The following PLA2G4A variants were observed in gnomAD, a reference collection of about 807,000 sequenced individuals.
PLA2G4A encodes cytosolic phospholipase A2.
A neutral mutation model predicts 81.9 loss-of-function variants in PLA2G4A; 40 were observed. That is an observed-to-expected ratio of 0.49 (90% CI 0.38 to 0.64). PLA2G4A has a LOEUF of 0.64. Ranked by LOEUF, PLA2G4A falls within the 30% of genes least tolerant of loss-of-function variation. The probability of loss-of-function intolerance (pLI) is 0.00; values close to 1 mark genes in which losing one functional copy is unlikely to be tolerated. For missense variants in PLA2G4A, 715 were observed against 905.1 expected (o/e 0.79, Z 2.69); for synonymous variants, 302 against 296.9 (o/e 1.02, Z -0.18).
chr1:186,988,638 T>C lies in PLA2G4A; in HGVS notation c.*130T>C. On this transcript the variant is annotated 3_prime_UTR_variant, in exon 18 of 18. Coordinates refer to ENST00000367466, the MANE Select transcript of PLA2G4A (RefSeq NM_024420.3). ...GACTGGCTGATACTCAAAGTTGCAGTTACTTAGCTGCATGAGAATAATACT... is the reference window on the plus strand; with the variant it reads ...GACTGGCTGATACTCAAAGTTGCAGCTACTTAGCTGCATGAGAATAATACT... 7.7e-6 allele frequency: 6 copies of C among 781,106 alleles called. No individual in the cohort carries two copies. Among genetic ancestry groups the C allele is most frequent in the Non-Finnish European group, 1.3e-5 (6 of 444,484 alleles). The allele number at this position is 781,106 out of a possible 1,614,324, so 48.4% of individuals were successfully genotyped here.
intron 4 of PLA2G4A, 76 bp downstream of exon 4, chr1:186,893,235 G>C: frequency 8.0e-7 from 1 of 1,254,032 alleles, no homozygotes; most frequent in South Asian, 1.2e-5. Flanking sequence ...TCCTTTTACT[G>C]CCTTTTTGTT....
At position 186,870,497 on chromosome 1, in the gene PLA2G4A, G is replaced by A. The variant is rs1296371653; in HGVS notation, c.96G>A (p.Lys32=). 5 of 1,609,970 alleles carry A rather than the reference G, an allele frequency of 3.1e-6. No individual in the cohort carries two copies. Among genetic ancestry groups the A allele is most frequent in the Non-Finnish European group, 4.3e-6 (5 of 1,176,450 alleles). The stretch of plus-strand genomic sequence containing the variant: ...TGTTACGTGCCACCAAAGTGACAAA[G>A]GGGGCCTTTGGTGACATGCGTAAGT... ...VVVLRATKVT[K]GAFGDMLDTP... Residue 32 remains lysine, a synonymous_variant, in exon 3 of 18, where the codon AAG becomes AAA. Transcript: ENST00000367466.
chr1:186,856,497 C>T (rs1162223515), intron 2 of PLA2G4A, among the ~76,000 whole-genome samples: 2 of 150,968 alleles, frequency 1.3e-5, no homozygotes, highest in African/African-American at 4.9e-5. Context: ...TCAAGCAATT[C>T]GCGTGACTTA....
intron 3 of PLA2G4A, among the ~76,000 whole-genome samples, chr1:186,891,103 C>A (rs1036970734): frequency 6.6e-6 from 1 of 151,438 alleles, no homozygotes; most frequent in African/African-American, 2.4e-5. Context: ...CAAATATAAT[C>A]TTTTTTTTAA....
chr1:186,959,685 A>G (rs1471020724), intron 14 of PLA2G4A, among the ~76,000 whole-genome samples: 1 of 152,144 alleles, frequency 6.6e-6, no homozygotes, highest in Non-Finnish European at 1.5e-5. Flanking sequence ...ACAAAGATAG[A>G]TCTGATTTAC....
intron 1 of PLA2G4A, among the ~76,000 whole-genome samples, chr1:186,853,235 G>A (rs1318807805): frequency 6.6e-6 from 1 of 151,526 alleles, no homozygotes; most frequent in African/African-American, 2.4e-5. Flanking sequence ...AAAAACTCAA[G>A]AGCGTATTAG....
At chr1:186,983,270 G>A (rs562721098) in intron 17 of PLA2G4A, among the ~76,000 whole-genome samples, 2 of 152,298 alleles carry the variant, frequency 1.3e-5, no homozygotes, top group African/African-American at 4.8e-5. Flanking sequence ...GTTTACTGCT[G>A]TAGACCATCA....
At chr1:186,843,356 T>A (rs1652055324) in intron 1 of PLA2G4A, among the ~76,000 whole-genome samples, 1 of 152,232 alleles carries the variant, frequency 6.6e-6, no homozygotes, top group South Asian at 2.1e-4. Flanking sequence ...TTCCTTTTGA[T>A]TGTTTCTTAA....
chr1:186,893,207 G>C, intron 4 of PLA2G4A, 48 bp downstream of exon 4: 1 of 1,506,992 alleles, frequency 6.6e-7, no homozygotes, highest in South Asian at 1.1e-5. Flanking sequence ...TTCATGTTGA[G>C]AGACATGCTT....
rs534041374 is a variant in PLA2G4A at position 186,905,827 on chromosome 1, G to A, written c.379-1138G>A. Among the ~76,000 whole-genome samples the A allele has an allele frequency of 8.0e-4, 122 of 152,268 alleles. 2 individuals are homozygous for A. In the South Asian group the frequency reaches 0.025, roughly 31 times the overall value. ...TAAGACAGAGCTTACAGTTTAGTGA[G>A]AGAGGCAAATTTTTGTATAGATGTT... On this transcript the variant is annotated intron_variant, in intron 5 of 17. Coordinates refer to ENST00000367466, the MANE Select transcript of PLA2G4A (RefSeq NM_024420.3).
chr1:186,909,692 T>C (rs1654874587), intron 6 of PLA2G4A, among the ~76,000 whole-genome samples: 1 of 150,706 alleles, frequency 6.6e-6, no homozygotes, highest in Non-Finnish European at 1.5e-5. Flanking sequence ...GTTAACTCAC[T>C]GTCTTACTCT....
At chr1:186,931,775 A>G (rs1163344264) in intron 7 of PLA2G4A, among the ~76,000 whole-genome samples, 1 of 152,096 alleles carries the variant, frequency 6.6e-6, no homozygotes, top group Non-Finnish European at 1.5e-5. Context: ...AACACAATGC[A>G]TTCATGTTGT....
intron 2 of PLA2G4A, among the ~76,000 whole-genome samples, chr1:186,864,791 T>A (rs1019684466): frequency 2.6e-5 from 4 of 151,414 alleles, no homozygotes; most frequent in Admixed American, 6.6e-5. Context: ...CTTTTATTTT[T>A]AAAAATATAT....
chr1:186,905,401 GA>G lies in PLA2G4A; in HGVS notation c.379-1555del, dbSNP rs5779309. Among the ~76,000 whole-genome samples, 137 of 150,180 alleles carry G rather than the reference GA, an allele frequency of 9.1e-4. 1 individual carries two copies. The highest frequency in any genetic ancestry group is 5.5e-3 in the South Asian group (26 of 4,762). ...TAAGGGCAATTTTTATGTATTTCTT[GA>G]AAAAAAAAGACCATGCTTTACCCAT... is the stretch of plus-strand genomic sequence containing the variant. On this transcript the variant is annotated intron_variant, in intron 5 of 17. Coordinates refer to ENST00000367466, the MANE Select transcript of PLA2G4A (RefSeq NM_024420.3).
At chr1:186,927,722 G>C (rs191015704) in intron 7 of PLA2G4A, among the ~76,000 whole-genome samples, 1 of 152,280 alleles carries the variant, frequency 6.6e-6, no homozygotes, top group East Asian at 1.9e-4. Flanking sequence ...AGTGCCACTT[G>C]GTACTTGTCA....
At chr1:186,832,191 A>G (rs1558340806) in intron 1 of PLA2G4A, among the ~76,000 whole-genome samples, 7 of 152,082 alleles carry the variant, frequency 4.6e-5, no homozygotes. Flanking sequence ...GATTTATAAT[A>G]GTTTTCCACT....
intron 3 of PLA2G4A, among the ~76,000 whole-genome samples, chr1:186,883,923 C>A (rs1653834800): frequency 6.6e-6 from 1 of 151,958 alleles, no homozygotes; most frequent in African/African-American, 2.4e-5. Context: ...TTTCCAAAAT[C>A]TTTGATGTAG....
chr1:186,847,735 G>A (rs1318763070), intron 1 of PLA2G4A, among the ~76,000 whole-genome samples: 2 of 152,068 alleles, frequency 1.3e-5, no homozygotes, highest in African/African-American at 2.4e-5. Context: ...GCACTGCTGT[G>A]AGTACAGCCC....
intron 14 of PLA2G4A, among the ~76,000 whole-genome samples, chr1:186,961,115 C>A (rs958247557): frequency 6.6e-6 from 1 of 151,700 alleles, no homozygotes; most frequent in African/African-American, 2.4e-5. Context: ...CTGTTATGTG[C>A]AATCTAAAAA....
Sources: gnomAD v4.1 joint callset for allele counts (sites outside exome capture counted in the v4.1 genomes callset) on GRCh38, gnomAD v4.1.1 for gene constraint, MANE v1.5 for transcripts, NCBI Gene and HGNC (gene_info 2026-07-23, HGNC 2026-07-21) for gene names.